SNX2: variants seen among roughly 807,000 people sequenced by gnomAD.
The protein encoded by SNX2 is sorting nexin-2.
SNX2 carries 25 observed loss-of-function variants against 69.9 expected under a neutral mutation model. The observed-to-expected ratio is 0.36, with a 90% CI of 0.26 to 0.50. The LOEUF (loss-of-function observed/expected upper bound fraction) is 0.50. Ranked by LOEUF, SNX2 falls within the 20% of genes least tolerant of loss-of-function variation. The probability of loss-of-function intolerance (pLI) is 0.97; values close to 1 mark genes in which losing one functional copy is unlikely to be tolerated. For missense variants in SNX2, 551 were observed against 613.3 expected (o/e 0.90, Z 1.07); for synonymous variants, 229 against 200.4 (o/e 1.14, Z -1.20).
chr5:122,805,696 A>T (rs950965767), intron 6 of SNX2, among the ~76,000 whole-genome samples: 1 of 152,132 alleles, frequency 6.6e-6, no homozygotes, highest in Non-Finnish European at 1.5e-5. Flanking sequence ...TGAATCAGGG[A>T]TGGTTCAATC....
chr5:122,793,956 C>T lies in SNX2; in HGVS notation c.109-1310C>T, dbSNP rs529693853. 9.4e-5 allele frequency among the ~76,000 whole-genome samples: 14 copies of T among 149,396 alleles called. No homozygotes were observed. The South Asian group carries it at 1.7e-3, about 18-fold the overall frequency. On this transcript the variant is annotated intron_variant, in intron 1 of 14. Transcript: ENST00000379516. The stretch of plus-strand genomic sequence containing the variant: ...AGACCTGGTTTTAACTATTGTAATA[C>T]GAAAACCATAATAAAGATAAAAGCT...
chr5:122,786,716 T>A (rs1231226608), intron 1 of SNX2, among the ~76,000 whole-genome samples: 3 of 152,030 alleles, frequency 2.0e-5, no homozygotes, highest in South Asian at 2.1e-4. Flanking sequence ...AATGGATCCT[T>A]GTAAGGACGG....
At chr5:122,784,303 A>G (rs1753035052) in intron 1 of SNX2, among the ~76,000 whole-genome samples, 1 of 148,334 alleles carries the variant, frequency 6.7e-6, no homozygotes, top group Non-Finnish European at 1.5e-5. Flanking sequence ...TTCCTTTTTC[A>G]TGATCTCAGG....
At chr5:122,809,348 A>T (rs1753720183) in intron 7 of SNX2, among the ~76,000 whole-genome samples, 1 of 152,162 alleles carries the variant, frequency 6.6e-6, no homozygotes, top group African/African-American at 2.4e-5. Context: ...AAAGACTAAT[A>T]TATATGCTCT....
chr5:122,799,619 C>A, intron 2 of SNX2, 73 bp from the exon 3 acceptor site: 2 of 858,348 alleles, frequency 2.3e-6, no homozygotes, highest in Non-Finnish European at 3.4e-6. Flanking sequence ...TTTTATAATC[C>A]ATTAACTGCT....
Position 122,832,253 on chromosome 5 carries a change from T to C in SNX2, c.*2605T>C, listed in dbSNP as rs1270300785. Reference sequence around the variant, plus strand: ...TATGACTTTGGGCATATCACTTAAATCTCTTATCTATAAAACAAGTACATA... The same window carrying C: ...TATGACTTTGGGCATATCACTTAAACCTCTTATCTATAAAACAAGTACATA... On this transcript the variant is annotated 3_prime_UTR_variant, in exon 15 of 15. Coordinates refer to ENST00000379516, the MANE Select transcript of SNX2 (RefSeq NM_003100.4). 1.3e-5 allele frequency: 2 copies of C among 152,186 alleles called. No individual in the cohort carries two copies. Among genetic ancestry groups the C allele is most frequent in the East Asian group, 3.8e-4 (2 of 5,196 alleles). 9.4% of individuals were successfully genotyped at this position (152,186 alleles called of 1,614,324 possible). A position where few individuals can be genotyped will look rare whatever the true frequency, so the allele number is the denominator to read the frequency against.
chr5:122,788,664 G>T (rs920079438), intron 1 of SNX2, among the ~76,000 whole-genome samples: 1 of 152,004 alleles, frequency 6.6e-6, no homozygotes, highest in African/African-American at 2.4e-5. Context: ...ATTCTCTTTG[G>T]TAACAGCTCA....
intron 1 of SNX2, among the ~76,000 whole-genome samples, chr5:122,776,807 A>G (rs1475886000): frequency 6.6e-6 from 1 of 152,198 alleles, no homozygotes; most frequent in Non-Finnish European, 1.5e-5. Flanking sequence ...TTGAGTAGAA[A>G]GAACTATAAT....
At chr5:122,825,000 A>G (rs1180894811) in intron 11 of SNX2, among the ~76,000 whole-genome samples, 1 of 152,160 alleles carries the variant, frequency 6.6e-6, no homozygotes, top group Non-Finnish European at 1.5e-5. Flanking sequence ...ACCCATGGTC[A>G]TACGGTGACA....
At chr5:122,796,461 C>G (rs1190615162) in intron 2 of SNX2, among the ~76,000 whole-genome samples, 1 of 145,122 alleles carries the variant, frequency 6.9e-6, no homozygotes, top group Non-Finnish European at 1.5e-5. Flanking sequence ...TACCAAATAC[C>G]AATCATCTTC....
intron 7 of SNX2, 153 bp downstream of exon 7, chr5:122,808,508 A>G (rs970315737): frequency 1.4e-4 from 77 of 535,748 alleles, no homozygotes; most frequent in Admixed American, 5.1e-4. Flanking sequence ...TTTTAAGAAA[A>G]TTACTTCTTT....
intron 14 of SNX2, 100 bp downstream of exon 14, chr5:122,827,746 G>A (rs1581649887): frequency 2.5e-6 from 2 of 789,040 alleles, no homozygotes; most frequent in Non-Finnish European, 4.1e-6. Context: ...TTAAACTCAA[G>A]AATAAGAAAT....
chr5:122,800,434 C>T (rs527693985), intron 3 of SNX2, among the ~76,000 whole-genome samples: 8 of 152,104 alleles, frequency 5.3e-5, no homozygotes, highest in South Asian at 2.1e-4. Flanking sequence ...TAAACAATCT[C>T]GCAAACATAA....
intron 1 of SNX2, among the ~76,000 whole-genome samples, chr5:122,794,186 C>G (rs1433418420): frequency 6.6e-6 from 1 of 152,008 alleles, no homozygotes; most frequent in East Asian, 1.9e-4. Context: ...TGGTGCATGC[C>G]TGTAATCCCA....
rs1450323195 is a variant in SNX2, at chr5:122,829,688, TC to T, written c.*42del. The T allele has an allele frequency of 1.9e-6, 3 of 1,549,222 alleles. No individual in the cohort carries two copies. The highest frequency in any genetic ancestry group is 1.8e-6 in the Non-Finnish European group (2 of 1,121,200). On this transcript the variant is annotated 3_prime_UTR_variant, in exon 15 of 15. Transcript: ENST00000379516. ...CCGTTAAGAAGACCTTGGATGTTGT[TC>T]CAGTTATGCTGGATTCCACAGTGAA... is the stretch of plus-strand genomic sequence containing the variant.
chr5:122,824,919 C>T (rs1409001348), intron 11 of SNX2, among the ~76,000 whole-genome samples: 2 of 152,058 alleles, frequency 1.3e-5, no homozygotes, highest in African/African-American at 4.8e-5. Context: ...ATTTCTAATC[C>T]ATAAATGTAG....
At chr5:122,807,512 T>C (rs1414811172) in intron 6 of SNX2, among the ~76,000 whole-genome samples, 10 of 152,222 alleles carry the variant, frequency 6.6e-5, no homozygotes, top group Non-Finnish European at 1.5e-5. Flanking sequence ...GATTTTTTTG[T>C]GTGTGACAAA....
At chr5:122,785,730 T>C (rs942178483) in intron 1 of SNX2, among the ~76,000 whole-genome samples, 33 of 152,354 alleles carry the variant, frequency 2.2e-4, no homozygotes, top group African/African-American at 7.9e-4. Flanking sequence ...CATTTGGTAA[T>C]GGTAAGAGAA....
At chr5:122,787,704 C>T (rs912938906) in intron 1 of SNX2, among the ~76,000 whole-genome samples, 1 of 152,048 alleles carries the variant, frequency 6.6e-6, no homozygotes, top group Admixed American at 6.6e-5. Context: ...TCCCATTGTG[C>T]GGTCCACTCT....
Sources: allele counts gnomAD v4.1 joint callset (sites outside exome capture counted in the v4.1 genomes callset), GRCh38; gene constraint gnomAD v4.1.1; transcripts MANE v1.5; gene names NCBI Gene and HGNC (gene_info 2026-07-23, HGNC 2026-07-21).